The following USH2A variants were observed in gnomAD, a reference collection of about 807,000 sequenced individuals.
The protein encoded by USH2A is usherin.
In USH2A, 443 loss-of-function variants were observed where a neutral mutation model predicts 538.9. The observed-to-expected ratio is 0.82, with a 90% confidence interval of 0.76 to 0.89. The LOEUF is 0.89. Among genes scored for constraint, USH2A ranks in the 40% least tolerant of loss-of-function variants. The pLI, the probability that USH2A is intolerant of heterozygous loss-of-function variation, is 0.00. For synonymous variants in USH2A, 2,413 were observed against 2,273.5 expected (o/e 1.06, Z -1.75); for missense variants, 6,633 against 6,324.8 (o/e 1.05, Z -1.65).
At chr1:216,242,176 C>T (rs529016327) in intron 13 of USH2A, among the ~76,000 whole-genome samples, 5 of 118,300 alleles carry the variant, frequency 4.2e-5, no homozygotes, top group African/African-American at 1.6e-4. Flanking sequence ...ACGGTGAAAC[C>T]CCATCTCTGC....
intron 35 of USH2A, among the ~76,000 whole-genome samples, chr1:215,988,638 T>A (rs1667936139): frequency 6.6e-6 from 1 of 152,200 alleles, no homozygotes; most frequent in Non-Finnish European, 1.5e-5. Flanking sequence ...ATTTAAGGGT[T>A]CCAGTTTCTC....
In USH2A at chr1:216,422,054, G is replaced by T. The variant is rs767339477; in HGVS notation, c.283C>A (p.Pro95Thr). Reference sequence around the variant, plus strand: ...GCTGAGAAAAGGGCAGTGTAGGTAGGGTGTGAAGATCTGTATGGGCAATCC... The same window carrying T: ...GCTGAGAAAAGGGCAGTGTAGGTAGTGTGTGAAGATCTGTATGGGCAATCC... The part of the protein sequence containing the change: ...IQDCPYRSSH[P>T]TYTALFSAGL... The change falls in exon 2 of 72, where the codon CCT (proline) becomes ACT (threonine). Residue 95 changes from proline (P) to threonine (T), a missense_variant. By Grantham distance (38) the Pro-to-Thr change is conservative. Transcript: ENST00000307340. 1.2e-6 allele frequency: 2 copies of T among 1,613,678 alleles called. No individual in the cohort carries two copies. Among genetic ancestry groups the T allele is most frequent in the Admixed American group, 3.3e-5 (2 of 59,926 alleles).
At chr1:216,162,367 A>G (rs762337015) in intron 21 of USH2A, among the ~76,000 whole-genome samples, 14 of 152,006 alleles carry the variant, frequency 9.2e-5, no homozygotes, top group South Asian at 6.2e-4. Flanking sequence ...TCAATTTTGC[A>G]TTGAAATATT....
intron 21 of USH2A, among the ~76,000 whole-genome samples, chr1:216,128,887 G>T (rs2033311507): frequency 6.6e-6 from 1 of 151,564 alleles, no homozygotes; most frequent in Admixed American, 6.6e-5. Context: ...ACCCATTACC[G>T]AACACTTCTT....
intron 49 of USH2A, 42 bp downstream of exon 49, chr1:215,813,694 A>G (rs750590545): frequency 1.2e-6 from 2 of 1,612,770 alleles, no homozygotes; most frequent in East Asian, 2.2e-5. Context: ...TTATGTTTTC[A>G]GGTTCCCATA....
At chr1:216,377,522 G>C (rs566147591) in intron 3 of USH2A, among the ~76,000 whole-genome samples, 10 of 152,108 alleles carry the variant, frequency 6.6e-5, no homozygotes, top group African/African-American at 2.4e-4. Context: ...GACAAAATAA[G>C]TCAATAGTTT....
chr1:216,344,513 T>C (rs892152763), intron 4 of USH2A, among the ~76,000 whole-genome samples: 4 of 152,070 alleles, frequency 2.6e-5, no homozygotes, highest in Non-Finnish European at 4.4e-5. Flanking sequence ...TTTGTTTTAA[T>C]GTATCTCTTG....
At chr1:216,199,482 C>T in intron 17 of USH2A, 145 bp downstream of exon 17, 2 of 1,249,792 alleles carry the variant, frequency 1.6e-6, no homozygotes, top group Non-Finnish European at 2.3e-6. Context: ...CAAATACTAT[C>T]TTATATCTTT....
At chr1:216,073,371 T>G in intron 27 of USH2A, 71 bp from the exon 28 acceptor site, 1 of 1,512,788 alleles carries the variant, frequency 6.6e-7, no homozygotes, top group South Asian at 1.2e-5. Flanking sequence ...TTTTGTCCTC[T>G]GCAGCACTAC....
intron 11 of USH2A, among the ~76,000 whole-genome samples, chr1:216,263,748 A>G (rs2102570206): frequency 6.6e-6 from 1 of 152,266 alleles, no homozygotes; most frequent in East Asian, 1.9e-4. Flanking sequence ...TATTCAACCT[A>G]GAACTAGAAA....
intron 61 of USH2A, among the ~76,000 whole-genome samples, chr1:215,683,566 G>C (rs1348477929): frequency 6.6e-6 from 1 of 152,058 alleles, no homozygotes; most frequent in Non-Finnish European, 1.5e-5. Flanking sequence ...TAGGATATTT[G>C]CTTGAGCACT....
chr1:215,895,369 T>C (rs1225386905), intron 40 of USH2A, among the ~76,000 whole-genome samples: 2 of 152,182 alleles, frequency 1.3e-5, no homozygotes, highest in Non-Finnish European at 2.9e-5. Context: ...GATGATTCAC[T>C]AGTAAACACA....
In USH2A at chr1:215,625,917, G is replaced by A. The variant is rs749823964; in HGVS notation, c.15520-47C>T. The A allele has an allele frequency of 1.4e-5, 22 of 1,537,156 alleles. No homozygotes were observed. The African/African-American group carries it at 2.3e-4, about 16-fold the overall frequency. On this transcript the variant is annotated intron_variant, in intron 71 of 71. Transcript: ENST00000307340. ...ATTGGCTACATACTTGCTATCAATA[G>A]TATTTGCTATCAATTTATAGTTATA...
At chr1:216,153,034 C>T (rs527808349) in intron 21 of USH2A, among the ~76,000 whole-genome samples, 1 of 152,240 alleles carries the variant, frequency 6.6e-6, no homozygotes, top group Admixed American at 6.5e-5. Context: ...AGATTGGCCG[C>T]CGGATGCCCA....
chr1:216,182,371 T>A (rs551043282), intron 20 of USH2A, among the ~76,000 whole-genome samples: 7 of 152,168 alleles, frequency 4.6e-5, no homozygotes, highest in African/African-American at 1.7e-4. Flanking sequence ...AAGCTATAAT[T>A]GTGTATTGAA....
intron 21 of USH2A, among the ~76,000 whole-genome samples, chr1:216,149,494 T>G (rs1456637614): frequency 2.6e-5 from 4 of 152,160 alleles, no homozygotes; most frequent in Admixed American, 2.6e-4. Context: ...AAGCTCAGCC[T>G]CCAACTTAAA....
chr1:215,925,975 G>T (rs1023120962), intron 38 of USH2A, among the ~76,000 whole-genome samples: 1 of 152,006 alleles, frequency 6.6e-6, no homozygotes, highest in African/African-American at 2.4e-5. Context: ...CTGAGATTGC[G>T]CCACTGCACT....
Position 216,190,264 on chromosome 1 carries a change from C to A in USH2A, c.4355G>T (p.Cys1452Phe). ...FTITLCNSVG[C>F]VTSASGAGQT... ...TCCTGCTCCCGAAGCACTGGTCACA[C>A]AACCAACTGAATTGCAGAGAGTAAT... Residue 1452 changes from cysteine (C) to phenylalanine (F), a missense_variant, in exon 20 of 72, where the codon TGT becomes TTT. Transcript: ENST00000307340. 6.2e-7 allele frequency: 1 copy of A among 1,612,592 alleles called. No homozygotes were observed. The highest frequency in any genetic ancestry group is 1.1e-5 in the South Asian group (1 of 91,062).
chr1:215,672,073 T>G (rs1571946263), intron 63 of USH2A, among the ~76,000 whole-genome samples: 1 of 152,328 alleles, frequency 6.6e-6, no homozygotes, highest in Admixed American at 6.5e-5. Context: ...GCCTCATAGC[T>G]GGTCTCTGCT....
Sources: allele counts gnomAD v4.1 joint callset (sites outside exome capture counted in the v4.1 genomes callset), GRCh38; gene constraint gnomAD v4.1.1; transcripts MANE v1.5; gene names NCBI Gene and HGNC (gene_info 2026-07-23, HGNC 2026-07-21).